Variants in DPP4 observed in about 807,000 individuals in gnomAD.
DPP4 encodes dipeptidyl peptidase 4.
In DPP4, 93 loss-of-function variants were observed where a neutral mutation model predicts 122.4. That is an observed-to-expected ratio of 0.76 (90% confidence interval 0.64 to 0.90). The LOEUF is 0.90. DPP4 is among the 40% of genes least tolerant of loss of function. The pLI, the probability that DPP4 is intolerant of heterozygous loss-of-function variation, is 0.00. For synonymous variants in DPP4, 321 were observed against 302.9 expected, an observed-to-expected ratio of 1.06 and a Z score of -0.62; for missense variants, 914 against 907.3, an observed-to-expected ratio of 1.01 and a Z score of -0.09.
intron 5 of DPP4, among the ~76,000 whole-genome samples, chr2:162,039,682 A>G (rs1402437615): frequency 3.3e-5 from 5 of 152,142 alleles, no homozygotes. Flanking sequence ...ATATATCATC[A>G]ATATTTTAAC....
At chr2:162,021,689 T>C (rs1196809576) in intron 12 of DPP4, 2 of 152,250 alleles carry the variant, frequency 1.3e-5, no homozygotes, top group Non-Finnish European at 2.9e-5. Flanking sequence ...TTCACAGCCT[T>C]ATCTTTTTAA....
At chr2:162,052,602 A>G (rs898993970) in intron 2 of DPP4, among the ~76,000 whole-genome samples, 7 of 152,194 alleles carry the variant, frequency 4.6e-5, no homozygotes, top group African/African-American at 1.4e-4. Flanking sequence ...GGTACCAGAG[A>G]AATGGAGTGT....
At chr2:162,006,324 G>T (rs1701281932) in intron 22 of DPP4, among the ~76,000 whole-genome samples, 1 of 151,992 alleles carries the variant, frequency 6.6e-6, no homozygotes, top group South Asian at 2.1e-4. Context: ...ATTTCCTTTT[G>T]GAGACCCCTA....
chr2:162,069,378 C>T (rs1349879529), intron 2 of DPP4, among the ~76,000 whole-genome samples: 2 of 152,310 alleles, frequency 1.3e-5, no homozygotes, highest in South Asian at 4.1e-4. Flanking sequence ...TCAGTAATTT[C>T]TTAAGTCATA....
intron 11 of DPP4, 55 bp from the exon 12 acceptor site, chr2:162,022,854 A>G (rs890088917): frequency 2.0e-5 from 32 of 1,565,810 alleles, no homozygotes; most frequent in Non-Finnish European, 2.6e-5. Context: ...GATGAAATCT[A>G]TAGCCATAAT....
chr2:162,028,298 G>A (rs557688387), intron 10 of DPP4, among the ~76,000 whole-genome samples: 4 of 152,162 alleles, frequency 2.6e-5, no homozygotes, highest in South Asian at 2.1e-4. Context: ...GCAGACAGAG[G>A]TTGCATTGAG....
At chr2:162,061,902 C>T (rs549070691) in intron 2 of DPP4, among the ~76,000 whole-genome samples, 1 of 152,240 alleles carries the variant, frequency 6.6e-6, no homozygotes, top group South Asian at 2.1e-4. Context: ...GTAACAAGTG[C>T]CATGGAGCCT....
At chr2:161,998,909 A>C (rs1701073066) in intron 23 of DPP4, among the ~76,000 whole-genome samples, 1 of 152,230 alleles carries the variant, frequency 6.6e-6, no homozygotes, top group Non-Finnish European at 1.5e-5. Context: ...CAAAGAAAGA[A>C]AGACAAATAC....
intron 18 of DPP4, among the ~76,000 whole-genome samples, chr2:162,016,361 A>C (rs1682925400): frequency 6.6e-6 from 1 of 152,222 alleles, no homozygotes; most frequent in African/African-American, 2.4e-5. Context: ...CTGAGACTGA[A>C]GTTTCAATAT....
At chr2:162,039,052 A>G (rs201692294) in intron 6 of DPP4, 31 bp from the exon 7 acceptor site, 2 of 1,612,994 alleles carry the variant, frequency 1.2e-6, no homozygotes, top group Non-Finnish European at 1.7e-6. Context: ...AATATTATCA[A>G]AAAGAATAAC....
chr2:162,019,428 C>T, intron 14 of DPP4, 152 bp from the exon 15 acceptor site: 3 of 528,222 alleles, frequency 5.7e-6, no homozygotes, highest in Non-Finnish European at 6.6e-6. Context: ...CCCTCACCCC[C>T]GAGAAGCCAT....
chr2:162,066,904 A>C (rs1459642865), intron 2 of DPP4, among the ~76,000 whole-genome samples: 1 of 152,172 alleles, frequency 6.6e-6, no homozygotes, highest in Non-Finnish European at 1.5e-5. Flanking sequence ...CCCCTGTGGG[A>C]GGGCTCTGAT....
At position 162,074,069 on chromosome 2, in the gene DPP4, T is replaced by A; in HGVS notation, c.-88A>T. ...GGCGGAGACGCGCGTCCTGCACCGC[T>A]GCTCCGGGCGGTGGAGTCACTCGCC... On this transcript the variant is annotated 5_prime_UTR_variant, in exon 1 of 26. Transcript: ENST00000360534. 3 of 1,536,610 alleles carry A rather than the reference T, an allele frequency of 2.0e-6. No homozygotes were observed. The highest frequency in any genetic ancestry group is 2.6e-6 in the Non-Finnish European group (3 of 1,142,906).
At chr2:162,060,629 T>C (rs1023356560) in intron 2 of DPP4, among the ~76,000 whole-genome samples, 1 of 152,184 alleles carries the variant, frequency 6.6e-6, no homozygotes, top group Non-Finnish European at 1.5e-5. Context: ...AAAAATTCAA[T>C]GATTCCTCCT....
At chr2:162,011,112 C>T (rs10166124) in intron 20 of DPP4, among the ~76,000 whole-genome samples, 52,175 of 151,634 alleles carry the variant, frequency 0.34, 9,278 homozygotes, top group East Asian at 0.65. Flanking sequence ...GGGGCTTCAG[C>T]GACAATGCCT....
intron 18 of DPP4, 81 bp from the exon 19 acceptor site, chr2:162,014,546 A>G (rs1284731974): frequency 1.0e-6 from 1 of 961,768 alleles, no homozygotes; most frequent in Non-Finnish European, 1.6e-6. Context: ...GTCAGTAGCA[A>G]GTCATTTCTA....
chr2:162,005,009 T>A (rs1176157255), intron 23 of DPP4, among the ~76,000 whole-genome samples: 1 of 152,226 alleles, frequency 6.6e-6, no homozygotes. Flanking sequence ...AGTTTTGGAA[T>A]GATCAAAGTG....
chr2:162,038,877 T>G (rs908731147), intron 7 of DPP4, 72 bp downstream of exon 7: 1 of 1,305,172 alleles, frequency 7.7e-7, no homozygotes, highest in African/African-American at 1.5e-5. Flanking sequence ...CTGCTTTGTA[T>G]CAGGGTTAGT....
chr2:162,014,778 C>T (rs1161169001), intron 18 of DPP4, among the ~76,000 whole-genome samples: 2 of 152,042 alleles, frequency 1.3e-5, no homozygotes, highest in Non-Finnish European at 2.9e-5. Flanking sequence ...CTTTGGCATC[C>T]GATCTACTTA....
Sources: gnomAD v4.1 joint callset for allele counts (sites outside exome capture counted in the v4.1 genomes callset) on GRCh38, gnomAD v4.1.1 for gene constraint, MANE v1.5 for transcripts, NCBI Gene and HGNC (gene_info 2026-07-23, HGNC 2026-07-21) for gene names.